Variants in INPP4B observed in about 807,000 individuals in gnomAD.
The protein encoded by INPP4B is inositol polyphosphate 4-phosphatase type II.
Under a neutral mutation model 122.5 loss-of-function variants are expected in INPP4B, and 55 were observed. That is an observed-to-expected ratio of 0.45 (90% CI 0.36 to 0.56). The LOEUF (loss-of-function observed/expected upper bound fraction) is 0.56. Ranked by LOEUF, INPP4B falls within the 20% of genes least tolerant of loss-of-function variation. INPP4B has a pLI of 0.00. For missense variants in INPP4B, 1,000 were observed against 1,097.7 expected (o/e 0.91, Z 1.26); for synonymous variants, 403 against 388.7 (o/e 1.04, Z -0.43).
At chr4:142,470,715 G>T (rs1436910294) in intron 2 of INPP4B, among the ~76,000 whole-genome samples, 1 of 152,126 alleles carries the variant, frequency 6.6e-6, no homozygotes, top group Non-Finnish European at 1.5e-5. Flanking sequence ...TAATGAGCTT[G>T]TTTCTTCATC....
chr4:142,531,285 GAAGA>G (rs1189880311), intron 2 of INPP4B, among the ~76,000 whole-genome samples: 2 of 151,766 alleles, frequency 1.3e-5, no homozygotes, highest in Non-Finnish European at 2.9e-5. Context: ...AAAAAAGAAG[GAAGA>G]AAGAAAGGAA....
At chr4:142,206,947 C>A (rs1170230904) in intron 14 of INPP4B, among the ~76,000 whole-genome samples, 1 of 151,972 alleles carries the variant, frequency 6.6e-6, no homozygotes, top group Non-Finnish European at 1.5e-5. Flanking sequence ...TTGACTAATA[C>A]CTCCTTTTTT....
In INPP4B at chr4:142,145,879, C is replaced by T. The variant is rs200040031; in HGVS notation, c.1681G>A (p.Glu561Lys). ...GSGGNNDGEKEPSLTDAIPSH... is the reference protein window; with the variant it reads ...GSGGNNDGEKKPSLTDAIPSH... ...GGAATGGCATCTGTTAATGAAGGTT[C>T]CTTTTCTCCATCATTGTTGCCGCCA... Residue 561 changes from glutamate to lysine, a missense_variant, in exon 18 of 26, where the codon GAA becomes AAA. Transcript: ENST00000262992. 6.2e-7 allele frequency: 1 copy of T among 1,613,664 alleles called. No homozygotes were observed. Among genetic ancestry groups the T allele is most frequent in the South Asian group, 1.1e-5 (1 of 91,062 alleles).
intron 2 of INPP4B, among the ~76,000 whole-genome samples, chr4:142,625,180 G>GTCAAAAA (rs1438519738): frequency 8.6e-5 from 13 of 151,736 alleles, no homozygotes; most frequent in African/African-American, 3.1e-4. Flanking sequence ...TAGGAAAAGA[G>GTCAAAAA]GAAGTCAAAT....
chr4:142,675,199 C>T (rs186544206), intron 2 of INPP4B, among the ~76,000 whole-genome samples: 39 of 152,132 alleles, frequency 2.6e-4, no homozygotes, highest in African/African-American at 9.2e-4. Context: ...TACAAACCAC[C>T]GTCAGAGAAT....
chr4:142,144,782 G>C (rs1435889122), intron 18 of INPP4B, among the ~76,000 whole-genome samples: 1 of 152,080 alleles, frequency 6.6e-6, no homozygotes, highest in African/African-American at 2.4e-5. Flanking sequence ...TGGTTCTACT[G>C]TTAATCAAGT....
intron 2 of INPP4B, among the ~76,000 whole-genome samples, chr4:142,475,390 A>G (rs912385609): frequency 4.0e-5 from 6 of 149,524 alleles, no homozygotes; most frequent in Admixed American, 1.3e-4. Context: ...CACAGATGAG[A>G]AAAAAAAAAC....
chr4:142,194,456 T>C (rs762341967), intron 14 of INPP4B, among the ~76,000 whole-genome samples: 2 of 152,150 alleles, frequency 1.3e-5, no homozygotes, highest in Non-Finnish European at 2.9e-5. Flanking sequence ...TTACATCTGT[T>C]CTATGTCATG....
At chr4:142,745,453 T>C (rs922911727) in intron 1 of INPP4B, among the ~76,000 whole-genome samples, 6 of 151,924 alleles carry the variant, frequency 3.9e-5, no homozygotes, top group African/African-American at 1.4e-4. Context: ...AAAAATCGCC[T>C]GACCATTCAC....
At position 142,040,717 on chromosome 4, in the gene INPP4B, T is replaced by C. The variant is rs539000370; in HGVS notation, c.2643-11803A>G. Among the ~76,000 whole-genome samples the C allele has an allele frequency of 4.6e-5, 7 of 152,338 alleles. No homozygotes were observed. In the East Asian group the frequency reaches 1.3e-3, roughly 29 times the overall value. On this transcript the variant is annotated intron_variant, in intron 25 of 25. Coordinates refer to ENST00000262992, the MANE Select transcript of INPP4B (RefSeq NM_001101669.3). ...TCTCTGTACAGAAACTCTAACAAGA[T>C]GACTTAGTTTTAATTGCTTGAAAAT...
At chr4:142,230,911 C>T (rs1854056762) in intron 12 of INPP4B, among the ~76,000 whole-genome samples, 1 of 152,104 alleles carries the variant, frequency 6.6e-6, no homozygotes, top group Admixed American at 6.5e-5. Context: ...CTAACATTTC[C>T]TCCTTGTGAA....
At chr4:142,663,914 G>A (rs545539671) in intron 2 of INPP4B, among the ~76,000 whole-genome samples, 4 of 152,248 alleles carry the variant, frequency 2.6e-5, no homozygotes, top group Non-Finnish European at 4.4e-5. Context: ...AAAAATGTTT[G>A]CTTAAATGAA....
chr4:142,410,307 CTG>C (rs1804334938), intron 5 of INPP4B, among the ~76,000 whole-genome samples: 1 of 152,232 alleles, frequency 6.6e-6, no homozygotes, highest in Non-Finnish European at 1.5e-5. Flanking sequence ...CACTGAGGCA[CTG>C]TGAATTGGTG....
intron 10 of INPP4B, 39 bp from the exon 11 acceptor site, chr4:142,260,603 AC>A (rs2150385315): frequency 3.2e-6 from 4 of 1,251,972 alleles, no homozygotes; most frequent in Non-Finnish European, 3.4e-6. Context: ...AATTTTGAGA[AC>A]AATCAAAATA....
At chr4:142,673,658 C>T (rs1225979846) in intron 2 of INPP4B, among the ~76,000 whole-genome samples, 1 of 152,086 alleles carries the variant, frequency 6.6e-6, no homozygotes, top group Non-Finnish European at 1.5e-5. Flanking sequence ...AGGCCTTGAA[C>T]AGTAGAGGTT....
At chr4:142,190,795 A>T (rs1303284639) in intron 15 of INPP4B, among the ~76,000 whole-genome samples, 1 of 151,894 alleles carries the variant, frequency 6.6e-6, no homozygotes, top group Non-Finnish European at 1.5e-5. Context: ...AAGAAAAATG[A>T]AGGAAAATAT....
At chr4:142,282,171 T>C (rs1260006951) in intron 9 of INPP4B, among the ~76,000 whole-genome samples, 1 of 152,082 alleles carries the variant, frequency 6.6e-6, no homozygotes, top group African/African-American at 2.4e-5. Flanking sequence ...AAAGGCTTTT[T>C]AATAAGATGA....
At chr4:142,606,299 T>A (rs904366267) in intron 2 of INPP4B, among the ~76,000 whole-genome samples, 3 of 151,800 alleles carry the variant, frequency 2.0e-5, no homozygotes, top group African/African-American at 7.2e-5. Flanking sequence ...AGTACAAACA[T>A]ACAGTTAGAT....
At chr4:142,465,097 T>C (rs1216782362) in intron 2 of INPP4B, among the ~76,000 whole-genome samples, 1 of 152,186 alleles carries the variant, frequency 6.6e-6, no homozygotes, top group Non-Finnish European at 1.5e-5. Flanking sequence ...TAAATACCCG[T>C]AATGCATACA....
Sources: allele counts gnomAD v4.1 joint callset (sites outside exome capture counted in the v4.1 genomes callset), GRCh38; gene constraint gnomAD v4.1.1; transcripts MANE v1.5; gene names NCBI Gene and HGNC (gene_info 2026-07-23, HGNC 2026-07-21).